Variants in GALNT13 observed in about 807,000 individuals in gnomAD.
The protein encoded by GALNT13 is polypeptide N-acetylgalactosaminyltransferase 13.
In GALNT13, 28 loss-of-function variants were observed where a neutral mutation model predicts 64.2. The observed-to-expected ratio is 0.44, with a 90% CI of 0.32 to 0.60. The LOEUF (loss-of-function observed/expected upper bound fraction) is 0.60, where lower values mean the gene tolerates loss of function less well. GALNT13 is among the 20% of genes least tolerant of loss of function. The pLI, the probability that GALNT13 is intolerant of heterozygous loss-of-function variation, is 0.05. For synonymous variants in GALNT13, 214 were observed against 224.6 expected (o/e 0.95, Z 0.42); for missense variants, 577 against 669.8 (o/e 0.86, Z 1.53).
At chr2:153,674,433 C>CA in the GALNT13 span, among the ~76,000 whole-genome samples, 2 of 151,838 alleles carry the variant, frequency 1.3e-5, no homozygotes, top group Non-Finnish European at 2.9e-5. Flanking sequence ...ACAAACCTGA[C>CA]AAAAAAAGCA....
chr2:153,818,293 C>A, the GALNT13 span, among the ~76,000 whole-genome samples: 1 of 152,192 alleles, frequency 6.6e-6, no homozygotes, highest in African/African-American at 2.4e-5. Context: ...TGGAGCCCCA[C>A]AGGTCTTGGA....
chr2:153,635,441 C>CATATATATATCTATATATATATAT, the GALNT13 span, among the ~76,000 whole-genome samples: 1 of 129,852 alleles, frequency 7.7e-6, no homozygotes, highest in Admixed American at 7.7e-5. Flanking sequence ...TATATATATA[C>CATATATATATCTATATATATATAT]ACACATATAT....
At chr2:153,359,994 G>T in the GALNT13 span, among the ~76,000 whole-genome samples, 16 of 152,296 alleles carry the variant, frequency 1.1e-4, no homozygotes, top group Non-Finnish European at 2.2e-4. Flanking sequence ...GGACAATAGC[G>T]GTGGGGCCAA....
At chr2:153,789,766 C>CA in the GALNT13 span, among the ~76,000 whole-genome samples, 1 of 152,100 alleles carries the variant, frequency 6.6e-6, no homozygotes, top group Non-Finnish European at 1.5e-5. Flanking sequence ...ACTAACCCCC[C>CA]AGAAAAACAC....
At chr2:154,439,962 A>G (rs548571164) in intron 12 of GALNT13, among the ~76,000 whole-genome samples, 32 of 152,224 alleles carry the variant, frequency 2.1e-4, no homozygotes, top group Non-Finnish European at 3.4e-4. Flanking sequence ...TTTCTCTTCA[A>G]CTATTATTTA....
intron 3 of GALNT13, among the ~76,000 whole-genome samples, chr2:153,956,678 A>G (rs374162844): frequency 2.6e-4 from 40 of 152,230 alleles, no homozygotes; most frequent in Non-Finnish European, 4.7e-4. Flanking sequence ...GTTCCCTCAT[A>G]TTTTGAACCT....
chr2:153,567,204 T>A, the GALNT13 span, among the ~76,000 whole-genome samples: 1 of 152,188 alleles, frequency 6.6e-6, no homozygotes, highest in Non-Finnish European at 1.5e-5. Context: ...CCAAAAAATA[T>A]ATATTCTGTT....
intron 4 of GALNT13, among the ~76,000 whole-genome samples, chr2:154,156,248 T>A (rs1267247117): frequency 6.6e-6 from 1 of 152,050 alleles, no homozygotes; most frequent in East Asian, 1.9e-4. Flanking sequence ...TGGCGTTGAA[T>A]TTCACCATAT....
the GALNT13 span, among the ~76,000 whole-genome samples, chr2:153,622,125 A>G: frequency 1.3e-5 from 2 of 152,144 alleles, no homozygotes; most frequent in South Asian, 4.1e-4. Flanking sequence ...TTCCAAGGTG[A>G]TAACTTTGAG....
intron 9 of GALNT13, among the ~76,000 whole-genome samples, chr2:154,373,497 G>T (rs752004758): frequency 7.2e-5 from 11 of 152,098 alleles, no homozygotes; most frequent in Admixed American, 2.6e-4. Context: ...CCTTCAATCT[G>T]CTTAGAAAAA....
the GALNT13 span, among the ~76,000 whole-genome samples, chr2:153,854,728 G>T: frequency 7.2e-5 from 11 of 152,054 alleles, no homozygotes; most frequent in Admixed American, 3.3e-4. Flanking sequence ...ATATTTTAAA[G>T]ATATCAACTC....
chr2:154,331,178 GAT>G (rs1293139315), intron 9 of GALNT13, among the ~76,000 whole-genome samples: 1 of 151,936 alleles, frequency 6.6e-6, no homozygotes, highest in African/African-American at 2.4e-5. Context: ...CTATACATGA[GAT>G]AAAAGTAATA....
the GALNT13 span, among the ~76,000 whole-genome samples, chr2:153,475,268 C>T: frequency 1.7e-4 from 26 of 152,176 alleles, no homozygotes; most frequent in African/African-American, 5.8e-4. Flanking sequence ...GAAGTAGTCT[C>T]CAGGGCTATG....
chr2:153,085,828 C>A, the GALNT13 span, among the ~76,000 whole-genome samples: 2 of 152,028 alleles, frequency 1.3e-5, no homozygotes, highest in Admixed American at 1.3e-4. Context: ...CTCCAGACCC[C>A]AGAATGGTAG....
intron 6 of GALNT13, among the ~76,000 whole-genome samples, chr2:154,244,439 G>A (rs1321437490): frequency 6.6e-6 from 1 of 152,118 alleles, no homozygotes; most frequent in Non-Finnish European, 1.5e-5. Context: ...TTGAGGCTCT[G>A]GTCAGTTGTG....
chr2:154,217,145 A>G (rs1422160083), intron 4 of GALNT13, among the ~76,000 whole-genome samples: 1 of 151,818 alleles, frequency 6.6e-6, no homozygotes, highest in Non-Finnish European at 1.5e-5. Context: ...AGACTTTTAT[A>G]TTCTCTATTA....
chr2:154,214,513 GTAA>G (rs751931750), intron 4 of GALNT13, among the ~76,000 whole-genome samples: 1 of 152,070 alleles, frequency 6.6e-6, no homozygotes, highest in East Asian at 1.9e-4. Context: ...CACCTTGATT[GTAA>G]TAATCCCCAC....
chr2:153,743,539 AT>A, the GALNT13 span, among the ~76,000 whole-genome samples: 1 of 150,972 alleles, frequency 6.6e-6, no homozygotes, highest in Non-Finnish European at 1.5e-5. Flanking sequence ...ATCTATTTTT[AT>A]TTTTGTGGGT....
chr2:153,561,641 C>G, the GALNT13 span, among the ~76,000 whole-genome samples: 2 of 146,472 alleles, frequency 1.4e-5, no homozygotes, highest in African/African-American at 2.5e-5. Context: ...GATGTTCAAC[C>G]TGTGTGTGTG....
Sources: gnomAD v4.1 joint callset for allele counts (sites outside exome capture counted in the v4.1 genomes callset) on GRCh38, gnomAD v4.1.1 for gene constraint, MANE v1.5 for transcripts, NCBI Gene and HGNC (gene_info 2026-07-23, HGNC 2026-07-21) for gene names.